Variants in SLC10A6 observed in about 807,000 individuals in gnomAD.
SLC10A6 encodes the protein solute carrier family 10 member 6.
Under a neutral mutation model 30.0 loss-of-function variants are expected in SLC10A6, and 27 were observed. That is an observed-to-expected ratio of 0.90 (90% confidence interval 0.66 to 1.24). The LOEUF is 1.24. SLC10A6 is among the 50% of genes most tolerant of loss of function. The pLI, the probability that SLC10A6 is intolerant of heterozygous loss-of-function variation, is 0.00. For missense variants in SLC10A6, 439 were observed against 457.0 expected (o/e 0.96, Z 0.36); for synonymous variants, 166 against 173.8 (o/e 0.95, Z 0.36).
chr4:86,828,714 C>T (rs1746036135), intron 3 of SLC10A6, among the ~76,000 whole-genome samples: 1 of 152,108 alleles, frequency 6.6e-6, no homozygotes, highest in South Asian at 2.1e-4. Context: ...CTCATGATCA[C>T]ATGAGAAATA....
At chr4:86,828,382 C>T (rs952705542) in intron 3 of SLC10A6, among the ~76,000 whole-genome samples, 6 of 152,188 alleles carry the variant, frequency 3.9e-5, no homozygotes, top group African/African-American at 1.4e-4. Flanking sequence ...TGGAGTTTGA[C>T]ACAAATCTAA....
chr4:86,829,271 C>T (rs1249263796), intron 3 of SLC10A6, among the ~76,000 whole-genome samples: 2 of 152,000 alleles, frequency 1.3e-5, no homozygotes, highest in East Asian at 1.9e-4. Flanking sequence ...ATTAGCCAGG[C>T]GTGGTGACAC....
chr4:86,823,878 A>C lies in SLC10A6; in HGVS notation c.944T>G (p.Leu315Trp), dbSNP rs753108377. 3.1e-6 allele frequency: 5 copies of C among 1,612,884 alleles called. No individual in the cohort carries two copies. The highest frequency in any genetic ancestry group is 1.1e-5 in the South Asian group (1 of 90,784). ...GTTCTTTTTTCCATGTTTGTTCTTC[A>C]ATCTCCTCTTGTACGTCTGATATGC... ...VAAYQTYKRR[L>W]KNKHGKKNSG... Residue 315 changes from leucine to tryptophan, a missense_variant, in exon 6 of 6, where the codon TTG (leucine) becomes TGG (tryptophan). Coordinates refer to ENST00000273905, the MANE Select transcript of SLC10A6 (RefSeq NM_197965.3).
Position 86,823,751 on chromosome 4 carries a change from T to A in SLC10A6, c.1071A>T (p.Pro357=), listed in dbSNP as rs1560457001. 7 of 1,614,154 alleles carry A rather than the reference T, an allele frequency of 4.3e-6. No individual in the cohort carries two copies. The highest frequency in any genetic ancestry group is 5.1e-6 in the Non-Finnish European group (6 of 1,180,010). Residue 357 remains proline, a synonymous_variant, in exon 6 of 6, where the codon CCA becomes CCT. Transcript: ENST00000273905. ...VNEEGAITPG[P]PGPMDCHRAL... is the part of the protein sequence containing the mutation. ...CCCTGTGGCAATCCATTGGCCCTGG[T>A]GGCCCAGGAGTGATGGCACCTTCTT... is the stretch of plus-strand genomic sequence containing the variant.
intron 1 of SLC10A6, among the ~76,000 whole-genome samples, chr4:86,846,213 T>G (rs1354326403): frequency 6.6e-6 from 1 of 152,226 alleles, no homozygotes; most frequent in Non-Finnish European, 1.5e-5. Context: ...TATTTGAGTT[T>G]CTACTGAAAA....
chr4:86,837,356 AGGCT>A (rs1227718066), intron 1 of SLC10A6, among the ~76,000 whole-genome samples: 1 of 149,882 alleles, frequency 6.7e-6, no homozygotes, highest in African/African-American at 2.5e-5. Context: ...GCAGGCAGGC[AGGCT>A]GGGATTTGAG....
chr4:86,833,484 T>C (rs1746124150), intron 1 of SLC10A6, 60 bp from the exon 2 acceptor site: 4 of 1,326,902 alleles, frequency 3.0e-6, no homozygotes, highest in Non-Finnish European at 4.3e-6. Context: ...AATTTAGTCT[T>C]TACCAAAAGC....
At chr4:86,835,745 A>AAGAAAGAG (rs1553899067) in intron 1 of SLC10A6, among the ~76,000 whole-genome samples, 2,867 of 149,688 alleles carry the variant, frequency 0.019, 102 homozygotes, top group African/African-American at 0.067. Flanking sequence ...GAAAGAAAGA[A>AAGAAAGAG]AGAGAGAGAG....
chr4:86,848,601 C>A, intron 1 of SLC10A6, 138 bp downstream of exon 1: 1 of 1,181,470 alleles, frequency 8.5e-7, no homozygotes, highest in Admixed American at 2.4e-5. Context: ...CATGGCTGAA[C>A]AAGTCTCTGT....
At chr4:86,832,245 G>A (rs933626409) in intron 2 of SLC10A6, among the ~76,000 whole-genome samples, 1 of 152,132 alleles carries the variant, frequency 6.6e-6, no homozygotes, top group Admixed American at 6.6e-5. Flanking sequence ...TTTGAACTAT[G>A]GGCCATGGGT....
intron 1 of SLC10A6, among the ~76,000 whole-genome samples, chr4:86,841,268 T>C (rs913027182): frequency 2.0e-5 from 3 of 152,208 alleles, no homozygotes; most frequent in African/African-American, 7.2e-5. Context: ...ATTGCTTCCA[T>C]GTTTATACAA....
At chr4:86,837,038 C>T (rs1746197534) in intron 1 of SLC10A6, among the ~76,000 whole-genome samples, 1 of 151,620 alleles carries the variant, frequency 6.6e-6, no homozygotes, top group Non-Finnish European at 1.5e-5. Context: ...GCCACCACGC[C>T]CGGCCATAAT....
intron 1 of SLC10A6, among the ~76,000 whole-genome samples, chr4:86,847,490 G>A (rs1746410845): frequency 6.6e-6 from 1 of 152,102 alleles, no homozygotes; most frequent in African/African-American, 2.4e-5. Context: ...CAAAAGCAGT[G>A]TATATTAGTG....
intron 1 of SLC10A6, among the ~76,000 whole-genome samples, chr4:86,841,754 T>A (rs1746293810): frequency 6.6e-6 from 1 of 152,152 alleles, no homozygotes; most frequent in African/African-American, 2.4e-5. Context: ...TCCCATAAAA[T>A]CAGGAACTCT....
intron 1 of SLC10A6, among the ~76,000 whole-genome samples, chr4:86,842,874 C>CTTTCTTTT (rs1560461934): frequency 2.3e-4 from 10 of 42,758 alleles, no homozygotes; most frequent in Non-Finnish European, 3.6e-4. Flanking sequence ...TTCTTTCTTT[C>CTTTCTTTT]TTTTTTTTTT....
At chr4:86,844,560 T>G (rs1746361438) in intron 1 of SLC10A6, among the ~76,000 whole-genome samples, 1 of 152,242 alleles carries the variant, frequency 6.6e-6, no homozygotes, top group Admixed American at 6.5e-5. Flanking sequence ...GGATCTGGTT[T>G]AAAGCCAACA....
At chr4:86,826,817 C>A (rs1397668866) in intron 4 of SLC10A6, among the ~76,000 whole-genome samples, 3 of 151,978 alleles carry the variant, frequency 2.0e-5, no homozygotes, top group Non-Finnish European at 2.9e-5. Flanking sequence ...ATAAAGGGAG[C>A]CTGCAGTGTT....
chr4:86,833,179 T>C, intron 2 of SLC10A6, 127 bp downstream of exon 2: 1 of 673,026 alleles, frequency 1.5e-6, no homozygotes, highest in Non-Finnish European at 2.5e-6. Context: ...TACTGTAGGG[T>C]TCTTTAAGGG....
At chr4:86,839,007 A>T (rs982668312) in intron 1 of SLC10A6, among the ~76,000 whole-genome samples, 3 of 151,776 alleles carry the variant, frequency 2.0e-5, no homozygotes, top group Non-Finnish European at 4.4e-5. Flanking sequence ...TGCTCCTTTC[A>T]GAAATCCAAA....
Sources: gnomAD v4.1 joint callset for allele counts (sites outside exome capture counted in the v4.1 genomes callset) on GRCh38, gnomAD v4.1.1 for gene constraint, MANE v1.5 for transcripts, NCBI Gene and HGNC (gene_info 2026-07-23, HGNC 2026-07-21) for gene names.